Variants in LARGE1 observed in about 807,000 individuals in gnomAD.
The protein encoded by LARGE1 is LARGE xylosyl- and glucuronyltransferase 1.
A neutral mutation model predicts 87.6 loss-of-function variants in LARGE1; 43 were observed. The observed-to-expected ratio is 0.49, with a 90% confidence interval of 0.38 to 0.63. The LOEUF is 0.63. Ranked by LOEUF, LARGE1 falls within the 30% of genes least tolerant of loss-of-function variation. The pLI is 0.00. For synonymous variants in LARGE1, 434 were observed against 394.6 expected, an observed-to-expected ratio of 1.10 and a Z score of -1.18; for missense variants, 802 against 1,000.2, an observed-to-expected ratio of 0.80 and a Z score of 2.67.
At chr22:33,172,875 A>G (rs1332583012) in intron 11 of LARGE1, among the ~76,000 whole-genome samples, 2 of 152,346 alleles carry the variant, frequency 1.3e-5, no homozygotes, top group African/African-American at 4.8e-5. Context: ...GACCAAATCT[A>G]CATTTGATTG....
chr22:33,519,737 A>G (rs2071480728), intron 6 of LARGE1, among the ~76,000 whole-genome samples: 1 of 152,042 alleles, frequency 6.6e-6, no homozygotes, highest in Non-Finnish European at 1.5e-5. Context: ...AAAAACAAGG[A>G]AAAAAAAGAG....
At chr22:33,696,449 G>A (rs5999064) in intron 2 of LARGE1, among the ~76,000 whole-genome samples, 1 of 151,938 alleles carries the variant, frequency 6.6e-6, no homozygotes, top group Admixed American at 6.6e-5. Flanking sequence ...ATTTTTAGTA[G>A]AGAAGGTTTC....
At chr22:33,477,217 A>G (rs5754572) in intron 6 of LARGE1, among the ~76,000 whole-genome samples, 25,286 of 152,188 alleles carry the variant, frequency 0.17, 2,451 homozygotes, top group East Asian at 0.29. Context: ...TCTTAGTTGA[A>G]TCAGGAGATC....
intron 1 of LARGE1, among the ~76,000 whole-genome samples, chr22:33,901,586 G>A (rs1293988452): frequency 6.6e-6 from 1 of 152,178 alleles, no homozygotes; most frequent in South Asian, 2.1e-4. Context: ...TGGGAGAATC[G>A]CTTAAGCCCA....
At chr22:33,160,285 G>A (rs1403303146), downstream of LARGE1, among the ~76,000 whole-genome samples, 1 of 152,168 alleles carries the variant, frequency 6.6e-6, no homozygotes, top group Non-Finnish European at 1.5e-5. Flanking sequence ...TGTATGTTGA[G>A]GACAGTTGGA....
At chr22:33,412,540 GCA>G (rs1162171099) in intron 7 of LARGE1, among the ~76,000 whole-genome samples, 4 of 152,156 alleles carry the variant, frequency 2.6e-5, no homozygotes, top group Non-Finnish European at 5.9e-5. Flanking sequence ...AACCTTAGAA[GCA>G]CAGAGAGTAA....
At chr22:33,246,666 T>G (rs573898452) in intron 11 of LARGE1, among the ~76,000 whole-genome samples, 1 of 152,230 alleles carries the variant, frequency 6.6e-6, no homozygotes, top group South Asian at 2.1e-4. Flanking sequence ...AAATAACAAC[T>G]TTTAAAAACT....
At chr22:33,083,510 A>G in the LARGE1 span, among the ~76,000 whole-genome samples, 3 of 152,228 alleles carry the variant, frequency 2.0e-5, no homozygotes, top group East Asian at 5.8e-4. Flanking sequence ...CACTTGCTAT[A>G]TGAAAGTCTC....
At chr22:33,375,898 C>A (rs2064977711) in intron 9 of LARGE1, among the ~76,000 whole-genome samples, 1 of 152,158 alleles carries the variant, frequency 6.6e-6, no homozygotes, top group African/African-American at 2.4e-5. Context: ...CAGGCACTTG[C>A]CACCAGCTTA....
At chr22:33,750,641 A>G (rs1301627070) in intron 2 of LARGE1, 1 of 152,128 alleles carries the variant, frequency 6.6e-6, no homozygotes, top group African/African-American at 2.4e-5. Context: ...TTGTTGAATA[A>G]CACAAAGGAG....
chr22:33,722,058 C>T (rs1473647463), intron 2 of LARGE1, among the ~76,000 whole-genome samples: 5 of 152,082 alleles, frequency 3.3e-5, no homozygotes, highest in Non-Finnish European at 5.9e-5. Flanking sequence ...TCAAGACCAG[C>T]CTGGCCAACA....
At chr22:33,362,298 C>T (rs2064415623) in intron 9 of LARGE1, among the ~76,000 whole-genome samples, 1 of 149,404 alleles carries the variant, frequency 6.7e-6, no homozygotes, top group African/African-American at 2.5e-5. Flanking sequence ...GAGAATGGGG[C>T]AAAGAATAAT....
At chr22:33,651,223 T>TAAAAAAAAAAAAAAAAAAA (rs1371688457) in intron 2 of LARGE1, among the ~76,000 whole-genome samples, 219 of 17,140 alleles carry the variant, frequency 0.013, 7 homozygotes, top group Non-Finnish European at 0.022. Context: ...CTACTAAAAA[T>TAAAAAAAAAAAAAAAAAAA]ACAAAAAAAA....
rs1400126752 is a variant in LARGE1, at chr22:33,281,502, TC to T, written c.1877+1699del. Among the ~76,000 whole-genome samples, 3 of 152,322 alleles carry T rather than the reference TC, an allele frequency of 2.0e-5. No individual in the cohort carries two copies. The East Asian group carries it at 5.8e-4, about 29-fold the overall frequency. ...GGCTCTGCTATTTACTGGCTGTGTG[TC>T]ATTGGGCAAGTTATTAAACTTCTCA... On this transcript the variant is annotated intron_variant, in intron 13 of 14. Coordinates refer to ENST00000397394, the MANE Select transcript of LARGE1 (RefSeq NM_133642.5).
At chr22:33,194,732 A>AGG (rs1279823425) in intron 11 of LARGE1, among the ~76,000 whole-genome samples, 1 of 152,160 alleles carries the variant, frequency 6.6e-6, no homozygotes, top group Non-Finnish European at 1.5e-5. Context: ...TTGAGATGCC[A>AGG]GGGACACGGA....
intron 5 of LARGE1, among the ~76,000 whole-genome samples, chr22:33,591,901 CTGT>C (rs1433108968): frequency 1.3e-5 from 2 of 149,924 alleles, no homozygotes; most frequent in Non-Finnish European, 3.0e-5. Flanking sequence ...TAGCATGTGC[CTGT>C]AGTCCCAGCT....
rs1403659533 is a variant in LARGE1, at chr22:33,564,967, A to G, written c.668T>C (p.Met223Thr). 1 of 1,614,166 alleles carries G rather than the reference A, an allele frequency of 6.2e-7. No homozygotes were observed. The change falls in exon 6 of 15, where the codon ATG (methionine) becomes ACG (threonine). Residue 223 changes from methionine to threonine, a missense_variant. By Grantham distance (81) the Met-to-Thr change is moderately conservative. This residue lies in a region of LARGE1 where 625 missense variants were observed against 841.9 expected (regional missense o/e 0.74). Transcript: ENST00000397394. The part of the protein sequence containing the change: ...NKHYSGIYGL[M>T]KLVLTKTLPA... ...AAGAGTCTTGGTCAGGACAAGCTTC[A>G]TCAGACCATAAATCCCAGAGTAATG...
At chr22:33,858,175 C>T (rs956356534) in intron 1 of LARGE1, among the ~76,000 whole-genome samples, 8 of 152,190 alleles carry the variant, frequency 5.3e-5, no homozygotes, top group Non-Finnish European at 8.8e-5. Context: ...GCAGGAACAA[C>T]GGCAAGCCTT....
At chr22:33,712,500 G>A (rs562705961) in intron 2 of LARGE1, among the ~76,000 whole-genome samples, 1 of 152,294 alleles carries the variant, frequency 6.6e-6, no homozygotes, top group South Asian at 2.1e-4. Context: ...GAGTCACACA[G>A]TCCACTCCAT....
Sources: gnomAD v4.1 joint callset for allele counts (sites outside exome capture counted in the v4.1 genomes callset) on GRCh38, gnomAD v4.1.1 for gene constraint, gnomAD v4.1.1 regional missense constraint, MANE v1.5 for transcripts, NCBI Gene and HGNC (gene_info 2026-07-23, HGNC 2026-07-21) for gene names.